SPEF2: variants seen among roughly 807,000 people sequenced by gnomAD.
The protein encoded by SPEF2 is sperm flagellar and cilia associated 2.
In SPEF2, 187 loss-of-function variants were observed where a neutral mutation model predicts 224.6. The ratio of observed to expected loss-of-function variants is 0.83; its 90% CI spans 0.74 to 0.94. SPEF2 has a LOEUF of 0.94. Ranked by LOEUF, SPEF2 falls within the 40% of genes least tolerant of loss-of-function variation. The pLI is 0.00. For synonymous variants in SPEF2, 715 were observed against 707.3 expected, an observed-to-expected ratio of 1.01 and a Z score of -0.17; for missense variants, 2,170 against 2,135.6, an observed-to-expected ratio of 1.02 and a Z score of -0.32.
In SPEF2 at chr5:35,779,356, A is replaced by G; in HGVS notation, c.4447+10A>G. On this transcript the variant is annotated intron_variant, in intron 30 of 36. Coordinates refer to ENST00000356031, the MANE Select transcript of SPEF2 (RefSeq NM_024867.4). ...GATATGGCACCTAAAGGTAGGAAAA[A>G]TAATTATCATGAAAAGAGCACAAAA... 3 of 1,578,102 alleles carry G rather than the reference A, an allele frequency of 1.9e-6. No individual in the cohort carries two copies. The South Asian group carries it at 3.5e-5, about 18-fold the overall frequency.
intron 19 of SPEF2, chr5:35,710,113 C>CCTTATT (rs1325925298): frequency 1.9e-5 from 19 of 985,106 alleles, no homozygotes; most frequent in Admixed American, 6.2e-5. Context: ...AGGCAAAATA[C>CCTTATT]ACACATCCTA....
At chr5:35,777,567 A>C (rs1476642470) in intron 29 of SPEF2, among the ~76,000 whole-genome samples, 1 of 151,718 alleles carries the variant, frequency 6.6e-6, no homozygotes, top group African/African-American at 2.4e-5. Flanking sequence ...AGATGTATTC[A>C]TATTTCTCAG....
chr5:35,646,589 A>G (rs759229134), intron 4 of SPEF2, 78 bp from the exon 5 acceptor site: 4 of 1,366,836 alleles, frequency 2.9e-6, no homozygotes, highest in Non-Finnish European at 4.0e-6. Context: ...TAAATTTTAT[A>G]TATTTGTACC....
chr5:35,730,014 C>T (rs1184028163), intron 21 of SPEF2, among the ~76,000 whole-genome samples: 1 of 152,148 alleles, frequency 6.6e-6, no homozygotes, highest in African/African-American at 2.4e-5. Flanking sequence ...GACTAATACA[C>T]CTGCCAAGGA....
intron 18 of SPEF2, 138 bp from the exon 19 acceptor site, chr5:35,708,810 T>G: frequency 2.7e-6 from 2 of 749,738 alleles, no homozygotes; most frequent in Non-Finnish European, 4.2e-6. Flanking sequence ...CTAGATGATT[T>G]AAGGGAAAGC....
chr5:35,762,272 G>A lies in SPEF2; in HGVS notation c.3621-1250G>A, dbSNP rs140330599. 5.2e-3 allele frequency among the ~76,000 whole-genome samples: 786 copies of A among 152,134 alleles called. 6 individuals carry two copies. Among genetic ancestry groups the A allele is most frequent in the African/African-American group, 0.019 (768 of 41,486 alleles). ...GTAAATAAATTCTAAATGCAAATTC[G>A]TTTTCTAAGTTATATGCCACCACTG... is the stretch of plus-strand genomic sequence containing the variant. On this transcript the variant is annotated intron_variant, in intron 25 of 36. Coordinates refer to ENST00000356031, the MANE Select transcript of SPEF2 (RefSeq NM_024867.4).
Position 35,715,566 on chromosome 5 carries a change from C to A in SPEF2, c.2914+2680C>A, listed in dbSNP as rs932181480. 1.6e-4 allele frequency among the ~76,000 whole-genome samples: 24 copies of A among 152,012 alleles called. 1 individual carries two copies. Among genetic ancestry groups the A allele is most frequent in the Non-Finnish European group, 1.0e-4 (7 of 68,016 alleles). ...AAGGGACAGGAAAATGTCTCTTCCT[C>A]TGGGTGATTAGATAATGGGCGCCTC... On this transcript the variant is annotated intron_variant, in intron 20 of 36. Transcript: ENST00000356031.
intron 4 of SPEF2, among the ~76,000 whole-genome samples, chr5:35,646,363 A>G (rs1747369889): frequency 6.6e-6 from 1 of 152,150 alleles, no homozygotes; most frequent in Non-Finnish European, 1.5e-5. Context: ...AAAGAATTAT[A>G]CACTTATTTA....
intron 32 of SPEF2, among the ~76,000 whole-genome samples, chr5:35,795,182 G>A (rs1756493165): frequency 6.6e-6 from 1 of 152,096 alleles, no homozygotes; most frequent in South Asian, 2.1e-4. Context: ...ATGAATAAGA[G>A]GTCACCGAGA....
rs1749529999 is a variant in SPEF2, at chr5:35,751,080, C to CGTATATATAT, written c.3331-2544_3331-2543insGTATATATAT. ...ACGTATATATATGTATATATATATA[C>CGTATATATAT]ACACACACACACACACATATATATA... is the stretch of plus-strand genomic sequence containing the variant. On this transcript the variant is annotated intron_variant, in intron 23 of 36. Coordinates refer to ENST00000356031, the MANE Select transcript of SPEF2 (RefSeq NM_024867.4). 3.1e-3 allele frequency among the ~76,000 whole-genome samples: 137 copies of CGTATATATAT among 43,622 alleles called. 5 individuals carry two copies. The highest frequency in any genetic ancestry group is 4.5e-3 in the Non-Finnish European group (98 of 21,902). 28.6% of individuals were successfully genotyped at this position (43,622 alleles called of 152,430 possible).
At chr5:35,812,411 A>G (rs1428952895) in intron 36 of SPEF2, among the ~76,000 whole-genome samples, 1 of 149,528 alleles carries the variant, frequency 6.7e-6, no homozygotes, top group East Asian at 2.1e-4. Context: ...TTTAATTTCC[A>G]CTTTCATAGG....
At chr5:35,659,280 G>A in intron 8 of SPEF2, 73 bp downstream of exon 8, 1 of 1,395,110 alleles carries the variant, frequency 7.2e-7, no homozygotes. Flanking sequence ...GGTAAACAAA[G>A]CTATATTTTG....
intron 2 of SPEF2, among the ~76,000 whole-genome samples, chr5:35,629,393 G>A (rs376420530): frequency 2.4e-4 from 36 of 151,636 alleles, no homozygotes; most frequent in East Asian, 1.6e-3. Flanking sequence ...TCCTGACCTC[G>A]TGATCCACTT....
intron 25 of SPEF2, among the ~76,000 whole-genome samples, chr5:35,760,135 G>A (rs1480971689): frequency 6.6e-6 from 1 of 152,116 alleles, no homozygotes; most frequent in Non-Finnish European, 1.5e-5. Flanking sequence ...GCCGAGGCAG[G>A]CAGATCACGA....
chr5:35,651,038 G>T (rs948057669), intron 6 of SPEF2, among the ~76,000 whole-genome samples: 1 of 152,188 alleles, frequency 6.6e-6, no homozygotes, highest in Non-Finnish European at 1.5e-5. Context: ...TGGTTGCTGG[G>T]ACTCCGGCCA....
intron 26 of SPEF2, among the ~76,000 whole-genome samples, chr5:35,770,554 C>G (rs1752691116): frequency 1.3e-5 from 2 of 152,176 alleles, no homozygotes; most frequent in Non-Finnish European, 2.9e-5. Context: ...CTCTTGTACA[C>G]TCTACTTCTA....
intron 1 of SPEF2, among the ~76,000 whole-genome samples, chr5:35,625,640 G>T (rs1744129862): frequency 6.6e-6 from 1 of 152,198 alleles, no homozygotes; most frequent in Non-Finnish European, 1.5e-5. Flanking sequence ...ATGAATAATG[G>T]TTCTATGTCC....
chr5:35,758,013 T>C (rs1321932942), intron 24 of SPEF2, among the ~76,000 whole-genome samples: 2 of 152,216 alleles, frequency 1.3e-5, no homozygotes, highest in African/African-American at 4.8e-5. Flanking sequence ...ACAGACTTAT[T>C]GAAACTGTTC....
In SPEF2 at chr5:35,795,769, T is replaced by C; in HGVS notation, c.4804T>C (p.Phe1602Leu). The C allele has an allele frequency of 6.2e-7, 1 of 1,613,764 alleles. No individual in the cohort carries two copies. The highest frequency in any genetic ancestry group is 1.1e-5 in the South Asian group (1 of 91,066). Reference protein sequence around the residue: ...IPENPLEPLPFNRQEHLIEFF... With the variant: ...IPENPLEPLPLNRQEHLIEFF... Reference sequence around the variant, plus strand: ...AGAAAATCCTCTTGAACCCCTTCCATTTAATAGGCAGGAGCATCTTATAGA... The same window carrying C: ...AGAAAATCCTCTTGAACCCCTTCCACTTAATAGGCAGGAGCATCTTATAGA... Residue 1602 changes from phenylalanine (F) to leucine (L), a missense_variant, in exon 33 of 37, where the codon TTT becomes CTT. Phe to Leu is a conservative substitution (Grantham distance 22, BLOSUM62 0). Transcript: ENST00000356031.
Sources: gnomAD v4.1 joint callset for allele counts (sites outside exome capture counted in the v4.1 genomes callset) on GRCh38, gnomAD v4.1.1 for gene constraint, MANE v1.5 for transcripts, NCBI Gene and HGNC (gene_info 2026-07-23, HGNC 2026-07-21) for gene names.